The following TDRP variants were observed in gnomAD, a reference collection of about 807,000 sequenced individuals.
TDRP encodes the protein testis development related protein, also known as testis development-related protein.
TDRP carries 12 observed loss-of-function variants against 10.5 expected under a neutral mutation model. The observed-to-expected ratio is 1.15, with a 90% CI of 0.73 to 1.86. TDRP has a LOEUF of 1.86. Ranked by LOEUF, TDRP falls within the 40% of genes most tolerant of loss-of-function variation. TDRP has a pLI of 0.00. For synonymous variants in TDRP, 139 were observed against 95.4 expected, an observed-to-expected ratio of 1.46 and a Z score of -2.67; for missense variants, 353 against 229.2, an observed-to-expected ratio of 1.54 and a Z score of -3.49.
rs1322916420 is a variant in TDRP at position 490,351 on chromosome 8, G to A, written c.*2048C>T. On this transcript the variant is annotated 3_prime_UTR_variant, in exon 3 of 3. Transcript: ENST00000324079. The stretch of plus-strand genomic sequence containing the variant: ...CAATCTGGGTTTGTCCTCAAATTTT[G>A]AGAAATAGCATAAAGAACTATTTTG... The A allele has an allele frequency of 2.6e-5, 4 of 152,148 alleles. No homozygotes were observed. 9.4% of individuals were successfully genotyped at this position (152,148 alleles called of 1,614,324 possible).
intron 2 of TDRP, among the ~76,000 whole-genome samples, chr8:493,538 G>A (rs1801040242): frequency 6.6e-6 from 1 of 152,248 alleles, no homozygotes; most frequent in African/African-American, 2.4e-5. Context: ...CTCTGTACTT[G>A]TAGACTCACC....
intron 1 of TDRP, among the ~76,000 whole-genome samples, chr8:540,543 A>G (rs1243804127): frequency 1.3e-5 from 2 of 152,180 alleles, no homozygotes; most frequent in African/African-American, 4.8e-5. Flanking sequence ...GTAACATTAG[A>G]TTCATGAAAA....
intron 1 of TDRP, among the ~76,000 whole-genome samples, chr8:543,927 A>AGGGGGG (rs1196311229): frequency 6.2e-4 from 7 of 11,360 alleles, no homozygotes; most frequent in Non-Finnish European, 1.0e-3. Context: ...GGAAAAAGGG[A>AGGGGGG]GGGGGGGGGA....
At chr8:526,055 C>G (rs1414849726) in intron 1 of TDRP, among the ~76,000 whole-genome samples, 1 of 152,148 alleles carries the variant, frequency 6.6e-6, no homozygotes, top group Non-Finnish European at 1.5e-5. Flanking sequence ...TCTAGATTTT[C>G]CAATTTATTG....
chr8:545,757 G>C (rs1802636573), upstream of TDRP: 1 of 152,006 alleles, frequency 6.6e-6, no homozygotes, highest in African/African-American at 2.4e-5. Flanking sequence ...CTGGGGCCTG[G>C]GGCGCCGCGG....
At chr8:544,593 G>A (rs1429780446) in intron 1 of TDRP, 57 bp downstream of exon 1, 1 of 1,131,032 alleles carries the variant, frequency 8.8e-7, no homozygotes, top group Admixed American at 4.4e-5. Flanking sequence ...GCCCACCCTC[G>A]CCCTCCACCT....
chr8:516,992 T>G (rs1801773476), intron 1 of TDRP, among the ~76,000 whole-genome samples: 1 of 152,088 alleles, frequency 6.6e-6, no homozygotes, highest in African/African-American at 2.4e-5. Context: ...CCAACTAAAA[T>G]TCTAAGCCTC....
chr8:502,332 CCA>C (rs1199058859), intron 1 of TDRP, among the ~76,000 whole-genome samples: 2 of 152,200 alleles, frequency 1.3e-5, no homozygotes, highest in Admixed American at 1.3e-4. Context: ...AGACCAAATC[CCA>C]CAGTCATCAG....
chr8:500,989 A>G (rs7813176), intron 1 of TDRP, among the ~76,000 whole-genome samples: 12,496 of 152,120 alleles, frequency 0.082, 1,364 homozygotes, highest in African/African-American at 0.25. Flanking sequence ...GGTGGATCAC[A>G]AGGTCAGGAG....
rs146688494 is a variant in TDRP at position 490,711 on chromosome 8, A to G, written c.*1688T>C. ...TACCTGAGGAAACTTAGAATTTGTC[A>G]ACTTAGCTGTTATACTAAAAATTAT... On this transcript the variant is annotated 3_prime_UTR_variant, in exon 3 of 3. Transcript: ENST00000324079. 1 of 152,236 alleles carries G rather than the reference A, an allele frequency of 6.6e-6. No homozygotes were observed. Among genetic ancestry groups the G allele is most frequent in the African/African-American group, 2.4e-5 (1 of 41,460 alleles). 9.4% of individuals were successfully genotyped at this position (152,236 alleles called of 1,614,324 possible).
chr8:517,953 G>T (rs1347891987), intron 1 of TDRP, among the ~76,000 whole-genome samples: 1 of 152,182 alleles, frequency 6.6e-6, no homozygotes, highest in Non-Finnish European at 1.5e-5. Context: ...AAAGGGTTCA[G>T]GGGAGGGAGG....
chr8:513,372 T>C (rs1801668218), intron 1 of TDRP, among the ~76,000 whole-genome samples: 1 of 152,010 alleles, frequency 6.6e-6, no homozygotes, highest in African/African-American at 2.4e-5. Context: ...CATCTGAAAA[T>C]CCATTAATAT....
intron 1 of TDRP, among the ~76,000 whole-genome samples, chr8:517,278 C>T (rs932026677): frequency 3.9e-5 from 6 of 152,190 alleles, no homozygotes; most frequent in Non-Finnish European, 5.9e-5. Flanking sequence ...ATATATTTCA[C>T]ATATTTTGGA....
intron 1 of TDRP, among the ~76,000 whole-genome samples, chr8:543,229 T>C (rs1245096491): frequency 6.6e-6 from 1 of 151,988 alleles, no homozygotes; most frequent in Non-Finnish European, 1.5e-5. Context: ...GGAGAATAGC[T>C]TGAGCCCAGG....
chr8:500,381 C>T (rs73671721), intron 1 of TDRP, among the ~76,000 whole-genome samples: 1,763 of 152,282 alleles, frequency 0.012, 30 homozygotes, highest in African/African-American at 0.04. Context: ...TAAACCTCAT[C>T]GGCAGGCCCC....
intron 2 of TDRP, among the ~76,000 whole-genome samples, chr8:493,225 A>G (rs1424915074): frequency 6.6e-6 from 1 of 152,240 alleles, no homozygotes; most frequent in Non-Finnish European, 1.5e-5. Context: ...CTACTATAAA[A>G]AGGAAATGGT....
At chr8:525,621 T>A (rs1322363412) in intron 1 of TDRP, among the ~76,000 whole-genome samples, 1 of 152,172 alleles carries the variant, frequency 6.6e-6, no homozygotes, top group African/African-American at 2.4e-5. Context: ...TAAATTGTCA[T>A]CAGTTTACAA....
chr8:492,441 C>A lies in TDRP; in HGVS notation c.516G>T (p.Gln172His), dbSNP rs747551993. Residue 172 changes from glutamine (Q) to histidine (H), a missense_variant, in exon 3 of 3, where the codon CAG (glutamine) becomes CAT (histidine). Physicochemically the swap from Gln to His is conservative, Grantham distance 24. Coordinates refer to ENST00000324079, the MANE Select transcript of TDRP (RefSeq NM_001384899.1). Reference sequence around the variant, plus strand: ...GGCTATCTGTCAGGTGGCCTTTACTCTGCCGTCGGATGCTCACCAGCCTCC... The same window carrying A: ...GGCTATCTGTCAGGTGGCCTTTACTATGCCGTCGGATGCTCACCAGCCTCC... ...AAGRLVSIRR[Q>H]SKGHLTDSPE... 1 of 1,587,222 alleles carries A rather than the reference C, an allele frequency of 6.3e-7. No individual in the cohort carries two copies. The highest frequency in any genetic ancestry group is 1.7e-5 in the Admixed American group (1 of 58,026).
chr8:542,265 G>C (rs527819719), intron 1 of TDRP, among the ~76,000 whole-genome samples: 2 of 152,298 alleles, frequency 1.3e-5, no homozygotes, highest in Non-Finnish European at 2.9e-5. Flanking sequence ...AGGGTGCACA[G>C]AGGGTCTCTA....
Sources: allele counts gnomAD v4.1 joint callset (sites outside exome capture counted in the v4.1 genomes callset), GRCh38; gene constraint gnomAD v4.1.1; transcripts MANE v1.5; gene names NCBI Gene and HGNC (gene_info 2026-07-23, HGNC 2026-07-21).